The following GIPC2 variants were observed in gnomAD, a reference collection of about 807,000 sequenced individuals.
GIPC2 encodes GIPC PDZ domain containing family member 2.
Under a neutral mutation model 30.6 loss-of-function variants are expected in GIPC2, and 30 were observed. The ratio of observed to expected loss-of-function variants is 0.98; its 90% CI spans 0.73 to 1.33. The LOEUF is 1.33. GIPC2 is among the 40% of genes most tolerant of loss of function. GIPC2 has a pLI of 0.00. For missense variants in GIPC2, 414 were observed against 390.3 expected, an observed-to-expected ratio of 1.06 and a Z score of -0.51; for synonymous variants, 167 against 150.0, an observed-to-expected ratio of 1.11 and a Z score of -0.83.
intron 1 of GIPC2, among the ~76,000 whole-genome samples, chr1:78,069,336 C>T (rs766556607): frequency 4.1e-4 from 62 of 152,178 alleles, no homozygotes; most frequent in Non-Finnish European, 6.8e-4. Flanking sequence ...TCAGTCCTGT[C>T]AGGCCCACCC....
At chr1:78,075,945 C>T (rs1012149174) in intron 1 of GIPC2, among the ~76,000 whole-genome samples, 1 of 150,380 alleles carries the variant, frequency 6.6e-6, no homozygotes, top group Non-Finnish European at 1.5e-5. Flanking sequence ...CTGCTTTCCT[C>T]ATGTCAGCGT....
chr1:78,078,817 A>T (rs2100342404), intron 1 of GIPC2, among the ~76,000 whole-genome samples: 1 of 148,646 alleles, frequency 6.7e-6, no homozygotes, highest in South Asian at 2.1e-4. Context: ...CCCACTGTGA[A>T]TACCATGGAC....
intron 1 of GIPC2, among the ~76,000 whole-genome samples, chr1:78,059,653 G>T (rs746382025): frequency 9.9e-5 from 15 of 152,048 alleles, no homozygotes; most frequent in Non-Finnish European, 1.8e-4. Context: ...TTGAAGCTTG[G>T]ATAGGACTCG....
rs1571503758 is a variant in GIPC2, at chr1:78,094,767, C to T, written c.427-185C>T. Reference sequence around the variant, plus strand: ...TATGTCAATACATTGTATTTAATGTCTCAAAAGCATAAAAAGTACTGTTAC... The same window carrying T: ...TATGTCAATACATTGTATTTAATGTTTCAAAAGCATAAAAAGTACTGTTAC... On this transcript the variant is annotated intron_variant, in intron 2 of 5. Coordinates refer to ENST00000370759, the MANE Select transcript of GIPC2 (RefSeq NM_017655.6). 8.1e-6 allele frequency: 4 copies of T among 495,136 alleles called. No homozygotes were observed. The East Asian group carries it at 1.2e-4, about 15-fold the overall frequency. 30.7% of individuals were successfully genotyped at this position (495,136 alleles called of 1,614,324 possible).
chr1:78,077,021 C>T (rs567073175), intron 1 of GIPC2, among the ~76,000 whole-genome samples: 1 of 151,974 alleles, frequency 6.6e-6, no homozygotes, highest in Non-Finnish European at 1.5e-5. Flanking sequence ...CTGCCTGCCT[C>T]AGCCTCCCAA....
intron 1 of GIPC2, among the ~76,000 whole-genome samples, chr1:78,065,957 C>T (rs1038020531): frequency 1.3e-5 from 2 of 152,136 alleles, no homozygotes; most frequent in Non-Finnish European, 2.9e-5. Context: ...ACAACCTAGG[C>T]AGTACCATTC....
chr1:78,114,962 T>C (rs918310503), intron 3 of GIPC2, among the ~76,000 whole-genome samples: 3 of 152,154 alleles, frequency 2.0e-5, no homozygotes, highest in African/African-American at 7.2e-5. Flanking sequence ...CTAAAACTGC[T>C]CTATCAAAAA....
intron 1 of GIPC2, among the ~76,000 whole-genome samples, chr1:78,048,033 A>AT (rs1054690221): frequency 9.9e-5 from 15 of 152,172 alleles, no homozygotes; most frequent in African/African-American, 3.6e-4. Context: ...TAGACTTAAG[A>AT]TTTTTGACTT....
At chr1:78,119,855 C>T (rs1407518751) in intron 4 of GIPC2, among the ~76,000 whole-genome samples, 2 of 152,200 alleles carry the variant, frequency 1.3e-5, no homozygotes, top group East Asian at 3.9e-4. Flanking sequence ...AACTCCTCTT[C>T]TCACATAAAA....
Position 78,129,665 on chromosome 1 carries a change from G to A in GIPC2, c.796+3703G>A, listed in dbSNP as rs574901347. ...CTTTTCTACCAGCCAGTGTCAACATGGGTCACCTTGGGATGTTATCCATGA... is the reference window on the plus strand; with the variant it reads ...CTTTTCTACCAGCCAGTGTCAACATAGGTCACCTTGGGATGTTATCCATGA... On this transcript the variant is annotated intron_variant, in intron 5 of 5. Coordinates refer to ENST00000370759, the MANE Select transcript of GIPC2 (RefSeq NM_017655.6). 9.2e-5 allele frequency among the ~76,000 whole-genome samples: 14 copies of A among 152,288 alleles called. 1 individual carries two copies. In the South Asian group the frequency reaches 2.9e-3, roughly 32 times the overall value.
At chr1:78,075,516 C>G (rs1429170571) in intron 1 of GIPC2, among the ~76,000 whole-genome samples, 1 of 152,134 alleles carries the variant, frequency 6.6e-6, no homozygotes, top group Non-Finnish European at 1.5e-5. Context: ...ACCGATGTCA[C>G]CAAGGACTTA....
At chr1:78,109,358 G>T (rs888758557) in intron 3 of GIPC2, among the ~76,000 whole-genome samples, 2 of 152,152 alleles carry the variant, frequency 1.3e-5, no homozygotes, top group Admixed American at 6.5e-5. Flanking sequence ...ATCCTTAAAT[G>T]ACCAATGGGT....
At chr1:78,070,044 A>C (rs1200216772) in intron 1 of GIPC2, among the ~76,000 whole-genome samples, 1 of 152,138 alleles carries the variant, frequency 6.6e-6, no homozygotes, top group East Asian at 1.9e-4. Context: ...CTCTTCAGAC[A>C]TTTCATTGTA....
chr1:78,113,004 C>T (rs879476432), intron 3 of GIPC2, among the ~76,000 whole-genome samples: 2 of 152,032 alleles, frequency 1.3e-5, no homozygotes, highest in Admixed American at 1.3e-4. Flanking sequence ...CTCGTACTCC[C>T]GACATGAAAA....
chr1:78,099,437 CTCTT>C (rs1047046716), intron 3 of GIPC2, among the ~76,000 whole-genome samples: 3 of 150,406 alleles, frequency 2.0e-5, no homozygotes, highest in African/African-American at 7.4e-5. Flanking sequence ...CTTTTCTTTT[CTCTT>C]TCTTTTTTTT....
At chr1:78,072,150 A>G (rs1254588992) in intron 1 of GIPC2, among the ~76,000 whole-genome samples, 1 of 152,252 alleles carries the variant, frequency 6.6e-6, no homozygotes, top group Non-Finnish European at 1.5e-5. Context: ...TACATCTCAC[A>G]TAAAATTGTT....
At chr1:78,094,457 A>G (rs1171607855) in intron 2 of GIPC2, among the ~76,000 whole-genome samples, 2 of 152,262 alleles carry the variant, frequency 1.3e-5, no homozygotes, top group Admixed American at 6.5e-5. Flanking sequence ...GACCTGTGAC[A>G]TGAGAATCTC....
chr1:78,091,553 G>T, intron 2 of GIPC2: 1 of 755,956 alleles, frequency 1.3e-6, no homozygotes, highest in Non-Finnish European at 2.5e-6. Flanking sequence ...GCTCCTGCAG[G>T]ATTTCAGCGG....
chr1:78,113,218 T>G (rs1662503500), intron 3 of GIPC2, among the ~76,000 whole-genome samples: 1 of 150,408 alleles, frequency 6.6e-6, no homozygotes, highest in African/African-American at 2.4e-5. Context: ...TCTATTTCAT[T>G]AAAAAAAAAC....
Sources: gnomAD v4.1 joint callset for allele counts (sites outside exome capture counted in the v4.1 genomes callset) on GRCh38, gnomAD v4.1.1 for gene constraint, MANE v1.5 for transcripts, NCBI Gene and HGNC (gene_info 2026-07-23, HGNC 2026-07-21) for gene names.